The following ITPRID2 variants were observed in gnomAD, a reference collection of about 807,000 sequenced individuals.
ITPRID2 encodes the protein protein ITPRID2.
In ITPRID2, 60 loss-of-function variants were observed where a neutral mutation model predicts 124.3. That is an observed-to-expected ratio of 0.48 (90% CI 0.39 to 0.60). ITPRID2 has a LOEUF of 0.60. Among genes scored for constraint, ITPRID2 ranks in the 20% least tolerant of loss-of-function variants. The pLI is 0.00. For missense variants in ITPRID2, 1,553 were observed against 1,512.2 expected (o/e 1.03, Z -0.45); for synonymous variants, 521 against 542.9 (o/e 0.96, Z 0.56).
Position 181,902,678 on chromosome 2 carries a change from T to G in ITPRID2, c.1413+212T>G, listed in dbSNP as rs190027515. Among the ~76,000 whole-genome samples, 63 of 152,338 alleles carry G rather than the reference T, an allele frequency of 4.1e-4. No homozygotes were observed. Among genetic ancestry groups the G allele is most frequent in the African/African-American group, 1.5e-3 (61 of 41,582 alleles). ...GACAGTTCAGTAACTCCTCCAGATC[T>G]TTATCCACTAGTTGATATTTGAACC... On this transcript the variant is annotated intron_variant, in intron 8 of 17. Coordinates refer to ENST00000431877, the MANE Select transcript of ITPRID2 (RefSeq NM_001130445.3). This position sits in a 1 kb window ranked among gnomAD's most constrained non-coding sequence, Gnocchi z 4.4.
At position 181,892,176 on chromosome 2, in the gene ITPRID2, C is replaced by T; in HGVS notation, c.110C>T (p.Ser37Leu). ...WAKCRSSWQA[S>L]ETEDLSTEAT... ...AAGTGCCGCAGCTCCTGGCAAGCGTCGGAGACGGAGGATCTGTCCACAGAA... is the reference window on the plus strand; with the variant it reads ...AAGTGCCGCAGCTCCTGGCAAGCGTTGGAGACGGAGGATCTGTCCACAGAA... Residue 37 changes from serine to leucine, a missense_variant, in exon 1 of 18, where the codon TCG (serine) becomes TTG (leucine). Physicochemically the swap from Ser to Leu is moderately radical, Grantham distance 145 (BLOSUM62 -2). Coordinates refer to ENST00000431877, the MANE Select transcript of ITPRID2 (RefSeq NM_001130445.3). This position sits in a 1 kb window ranked among gnomAD's most constrained non-coding sequence, Gnocchi z 5.2. The T allele has an allele frequency of 6.4e-7, 1 of 1,553,704 alleles. No homozygotes were observed. The highest frequency in any genetic ancestry group is 1.2e-5 in the South Asian group (1 of 84,188).
rs1181762281 is a variant in ITPRID2 at position 181,905,587 on chromosome 2, C to G, written c.1413+3121C>G. On this transcript the variant is annotated intron_variant, in intron 8 of 17. Coordinates refer to ENST00000431877, the MANE Select transcript of ITPRID2 (RefSeq NM_001130445.3). This position sits in a 1 kb window ranked among gnomAD's most constrained non-coding sequence, Gnocchi z 4.1. The stretch of plus-strand genomic sequence containing the variant: ...AAAACTTAAGAAGGAGAACTTTTAT[C>G]TCAGCATTTCTGTAAGAAGTTGACT... 1.3e-5 allele frequency among the ~76,000 whole-genome samples: 2 copies of G among 152,146 alleles called. No homozygotes were observed. The highest frequency in any genetic ancestry group is 3.9e-4 in the East Asian group (2 of 5,184).
At chr2:181,908,136 T>C (rs1356589255) in intron 8 of ITPRID2, among the ~76,000 whole-genome samples, 1 of 152,142 alleles carries the variant, frequency 6.6e-6, no homozygotes, top group Non-Finnish European at 1.5e-5. Flanking sequence ...TGGAAGGCTG[T>C]GGCAGGTGGA....
At chr2:181,897,423 A>G (rs1692291807) in intron 4 of ITPRID2, among the ~76,000 whole-genome samples, 1 of 152,006 alleles carries the variant, frequency 6.6e-6, no homozygotes, top group African/African-American at 2.4e-5. Flanking sequence ...AGAAAATTAA[A>G]GGGGAAAGAC....
In ITPRID2 at chr2:181,896,025, T is replaced by G; in HGVS notation, c.258-5T>G. 1 of 1,612,496 alleles carries G rather than the reference T, an allele frequency of 6.2e-7. No individual in the cohort carries two copies. The highest frequency in any genetic ancestry group is 8.5e-7 in the Non-Finnish European group (1 of 1,178,742). On this transcript the variant is annotated splice_region_variant and splice_polypyrimidine_tract_variant and intron_variant, in intron 2 of 17. Coordinates refer to ENST00000431877, the MANE Select transcript of ITPRID2 (RefSeq NM_001130445.3). The surrounding 1 kb of genome is among the most constrained non-coding windows in gnomAD (Gnocchi z 4.3). ...ACTAAGGCTTATACGTTTATATGGTTTCAGTACACCTTTGGGAGCCTCACT... is the reference window on the plus strand; with the variant it reads ...ACTAAGGCTTATACGTTTATATGGTGTCAGTACACCTTTGGGAGCCTCACT...
chr2:181,919,507 A>G lies in ITPRID2; in HGVS notation c.3144+61A>G. ...AAGGTTTATTTATAATGTTCCAATA[A>G]TTTAGGACGTGTGCCTTCATTTCAA... On this transcript the variant is annotated intron_variant, in intron 14 of 17. Coordinates refer to ENST00000431877, the MANE Select transcript of ITPRID2 (RefSeq NM_001130445.3). The surrounding 1 kb of genome is among the most constrained non-coding windows in gnomAD (Gnocchi z 4.2). 2 of 1,467,234 alleles carry G rather than the reference A, an allele frequency of 1.4e-6. No individual in the cohort carries two copies. The highest frequency in any genetic ancestry group is 1.8e-6 in the Non-Finnish European group (2 of 1,111,486). 90.9% of individuals were successfully genotyped at this position (1,467,234 alleles called of 1,614,324 possible).
At position 181,892,794 on chromosome 2, in the gene ITPRID2, A is replaced by T; in HGVS notation, c.257+134A>T. ...TACAAACCGGAAAGTGAGCCGGCGGATAGCTTCCTCCTCTAAGCGATTAGA... is the reference window on the plus strand; with the variant it reads ...TACAAACCGGAAAGTGAGCCGGCGGTTAGCTTCCTCCTCTAAGCGATTAGA... On this transcript the variant is annotated intron_variant, in intron 2 of 17. Transcript: ENST00000431877. The surrounding 1 kb of genome is among the most constrained non-coding windows in gnomAD (Gnocchi z 5.2). 1 of 973,436 alleles carries T rather than the reference A, an allele frequency of 1.0e-6. No individual in the cohort carries two copies. The highest frequency in any genetic ancestry group is 1.6e-6 in the Non-Finnish European group (1 of 631,660). The allele number at this position is 973,436 out of a possible 1,614,324, so 60.3% of individuals were successfully genotyped here.
chr2:181,928,711 C>T (rs908300091), intron 17 of ITPRID2, among the ~76,000 whole-genome samples: 2 of 151,784 alleles, frequency 1.3e-5, no homozygotes, highest in African/African-American at 2.4e-5. Flanking sequence ...CTGCAAGCTC[C>T]GCCTCCCGGG....
chr2:181,926,659 G>A (rs193108490), intron 16 of ITPRID2, among the ~76,000 whole-genome samples: 3 of 149,244 alleles, frequency 2.0e-5, no homozygotes, highest in African/African-American at 7.5e-5. Flanking sequence ...CTTGCAGTGA[G>A]CCGATATTGT....
chr2:181,916,094 G>A lies in ITPRID2; in HGVS notation c.2454G>A (p.Pro818=), dbSNP rs142474932. 9.5e-5 allele frequency: 154 copies of A among 1,614,068 alleles called. No individual in the cohort carries two copies. Among genetic ancestry groups the A allele is most frequent in the Non-Finnish European group, 1.2e-4 (137 of 1,180,046 alleles). The change falls in exon 11 of 18, where the codon CCG becomes CCA. Residue 818 remains proline (P), a synonymous_variant. Coordinates refer to ENST00000431877, the MANE Select transcript of ITPRID2 (RefSeq NM_001130445.3). ...AAGAAGCCCCCCAGAGTGAGGCGCCGCGGGTGGAGGAATGCCATCATGGAA... is the reference window on the plus strand; with the variant it reads ...AAGAAGCCCCCCAGAGTGAGGCGCCACGGGTGGAGGAATGCCATCATGGAA... ...KKEEAPQSEA[P]RVEECHHGRT... is the part of the protein sequence containing the mutation.
chr2:181,909,756 T>A (rs1693453008), intron 8 of ITPRID2, 143 bp from the exon 9 acceptor site: 10 of 507,888 alleles, frequency 2.0e-5, no homozygotes, highest in Admixed American at 7.5e-5. Context: ...AATTTTGAGG[T>A]CAGATTTCTT....
chr2:181,913,774 G>T, intron 9 of ITPRID2, 71 bp from the exon 10 acceptor site: 1 of 1,082,516 alleles, frequency 9.2e-7, no homozygotes, highest in Non-Finnish European at 1.4e-6. Flanking sequence ...ATTGCTCTCA[G>T]TAATTTCTTA....
intron 11 of ITPRID2, 58 bp from the exon 12 acceptor site, chr2:181,918,540 G>A (rs2125103962): frequency 2.5e-6 from 4 of 1,602,716 alleles, no homozygotes; most frequent in South Asian, 2.3e-5. Flanking sequence ...AACCCCTTAA[G>A]TGATTTGGAA....
In ITPRID2 at chr2:181,929,584, T is replaced by C. The variant is rs201984361; in HGVS notation, c.*37T>C. On this transcript the variant is annotated 3_prime_UTR_variant, in exon 18 of 18. Coordinates refer to ENST00000431877, the MANE Select transcript of ITPRID2 (RefSeq NM_001130445.3). ...AGGTTGGCATGGATCCTATTAGCTG[T>C]GTAATACTGGAATTATCAATGATAT... 6.2e-7 allele frequency: 1 copy of C among 1,612,902 alleles called. No individual in the cohort carries two copies. The highest frequency in any genetic ancestry group is 8.5e-7 in the Non-Finnish European group (1 of 1,179,324).
At chr2:181,921,489 G>A (rs111907710) in intron 15 of ITPRID2, among the ~76,000 whole-genome samples, 5,250 of 144,178 alleles carry the variant, frequency 0.036, 301 homozygotes, top group African/African-American at 0.12. Flanking sequence ...AAAAAAAAAA[G>A]AAAATTGATT....
rs1689140310 is a variant in ITPRID2 at position 181,910,762 on chromosome 2, C to T, written c.1486+791C>T. On this transcript the variant is annotated intron_variant, in intron 9 of 17. Coordinates refer to ENST00000431877, the MANE Select transcript of ITPRID2 (RefSeq NM_001130445.3). The surrounding 1 kb of genome is among the most constrained non-coding windows in gnomAD (Gnocchi z 4.1). ...TCTCCTGATCTCTGAAATTACTTCA[C>T]AGGAGACAATTTGCATAAATTTTTT... The T allele has an allele frequency of 3.9e-6, 2 of 511,344 alleles. No individual in the cohort carries two copies. The highest frequency in any genetic ancestry group is 7.0e-6 in the Non-Finnish European group (2 of 283,828). The allele number at this position is 511,344 out of a possible 1,614,324, so 31.7% of individuals were successfully genotyped here. A position where few individuals can be genotyped will look rare whatever the true frequency, so the allele number is the denominator to read the frequency against.
Position 181,930,075 on chromosome 2 carries a change from T to C in ITPRID2, c.*528T>C, listed in dbSNP as rs2125121318. 6.5e-6 allele frequency: 1 copy of C among 153,408 alleles called. No homozygotes were observed. The highest frequency in any genetic ancestry group is 1.9e-4 in the East Asian group (1 of 5,202). 9.5% of individuals were successfully genotyped at this position (153,408 alleles called of 1,614,324 possible). ...AATTGCTCTTAATTCTTGGGGAGGT[T>C]ACTAATAGCAGTAGGATAGAATTTT... On this transcript the variant is annotated 3_prime_UTR_variant, in exon 18 of 18. Coordinates refer to ENST00000431877, the MANE Select transcript of ITPRID2 (RefSeq NM_001130445.3).
intron 17 of ITPRID2, among the ~76,000 whole-genome samples, chr2:181,928,845 C>T (rs1268997034): frequency 6.6e-6 from 1 of 152,064 alleles, no homozygotes; most frequent in African/African-American, 2.4e-5. Flanking sequence ...CCGGGATGGT[C>T]TCGATCTCCT....
chr2:181,913,821 A>G, intron 9 of ITPRID2, 24 bp from the exon 10 acceptor site: 1 of 1,576,014 alleles, frequency 6.3e-7, no homozygotes, highest in Non-Finnish European at 8.7e-7. Context: ...TCTGTTTCTT[A>G]TAGCCACATT....
Sources: gnomAD v4.1 joint callset for allele counts (sites outside exome capture counted in the v4.1 genomes callset) on GRCh38, gnomAD v4.1.1 for gene constraint, Gnocchi (gnomAD v3.1) non-coding constraint, MANE v1.5 for transcripts, NCBI Gene and HGNC (gene_info 2026-07-23, HGNC 2026-07-21) for gene names.